Variants in MTHFSD observed in about 807,000 individuals in gnomAD.
The protein encoded by MTHFSD is methenyltetrahydrofolate synthase domain-containing protein.
A neutral mutation model predicts 31.1 loss-of-function variants in MTHFSD; 37 were observed. The ratio of observed to expected loss-of-function variants is 1.19; its 90% CI spans 0.91 to 1.56. The LOEUF is 1.56. Ranked by LOEUF, MTHFSD falls within the 40% of genes most tolerant of loss-of-function variation. MTHFSD has a pLI of 0.00. For missense variants in MTHFSD, 664 were observed against 510.1 expected (o/e 1.30, Z -2.91); for synonymous variants, 221 against 206.9 (o/e 1.07, Z -0.59).
At chr16:86,545,411 A>G (rs1972148168) in intron 5 of MTHFSD, among the ~76,000 whole-genome samples, 1 of 152,086 alleles carries the variant, frequency 6.6e-6, no homozygotes, top group East Asian at 1.9e-4. Flanking sequence ...ACGAAGTGTT[A>G]CTTTCTTCTT....
intron 1 of MTHFSD, 140 bp downstream of exon 1, chr16:86,555,018 AACCCAGCACAG>A (rs1393147642): frequency 7.1e-6 from 10 of 1,416,838 alleles, no homozygotes; most frequent in Non-Finnish European, 9.3e-6. Context: ...GTTCGACCCG[AACCCAGCACAG>A]ACCCCCTCTG....
chr16:86,534,582 G>A (rs1970418184), intron 7 of MTHFSD, among the ~76,000 whole-genome samples: 1 of 151,800 alleles, frequency 6.6e-6, no homozygotes, highest in African/African-American at 2.4e-5. Context: ...AGGCTTTTGT[G>A]TTTTTTTTGA....
At chr16:86,554,390 C>T (rs1354473723) in intron 2 of MTHFSD, among the ~76,000 whole-genome samples, 2 of 152,146 alleles carry the variant, frequency 1.3e-5, no homozygotes, top group Non-Finnish European at 2.9e-5. Flanking sequence ...ACCAAGAACC[C>T]ACCAATTCTG....
Position 86,548,579 on chromosome 16 carries a change from T to G in MTHFSD, c.238-2A>C. The G allele has an allele frequency of 6.2e-7, 1 of 1,603,142 alleles. No individual in the cohort carries two copies. The highest frequency in any genetic ancestry group is 8.5e-7 in the Non-Finnish European group (1 of 1,175,696). On this transcript the variant is annotated splice_acceptor_variant, in intron 3 of 7. Transcript: ENST00000360900. LOFTEE classifies it high-confidence loss of function. Reference sequence around the variant, plus strand: ...TGGAACCAACAATGTTTTTTTGCTCTTTTAAAGAAAAGACAATCAATAAAT... The same window carrying G: ...TGGAACCAACAATGTTTTTTTGCTCGTTTAAAGAAAAGACAATCAATAAAT...
At position 86,555,151 on chromosome 16, in the gene MTHFSD, C is replaced by G. The variant is rs751196838; in HGVS notation, c.16+18G>C. On this transcript the variant is annotated intron_variant, in intron 1 of 7. Transcript: ENST00000360900. ...CTCCCCATTCCCAGCCGCCCCGGAG[C>G]CCCGCCAGGCCCCCCACCTGCCCTC... The G allele has an allele frequency of 2.7e-5, 41 of 1,534,992 alleles. No homozygotes were observed. The East Asian group carries it at 4.6e-4, about 17-fold the overall frequency.
chr16:86,541,504 A>C, intron 7 of MTHFSD, 193 bp downstream of exon 7: 1 of 776,956 alleles, frequency 1.3e-6, no homozygotes, highest in Non-Finnish European at 2.0e-6. Context: ...CGAATCCCAG[A>C]GATCCATACG....
chr16:86,531,071 T>G lies in MTHFSD; in HGVS notation c.*940A>C, dbSNP rs1321561667. 6.6e-6 allele frequency: 1 copy of G among 152,192 alleles called. No homozygotes were observed. The highest frequency in any genetic ancestry group is 2.4e-5 in the African/African-American group (1 of 41,440). The allele number at this position is 152,192 out of a possible 1,614,324, so 9.4% of individuals were successfully genotyped here. ...CATCGTAATGTGCTTCAAAGAACACTTGGTAAAACCCTCTGGCTAAAAAAT... is the reference window on the plus strand; with the variant it reads ...CATCGTAATGTGCTTCAAAGAACACGTGGTAAAACCCTCTGGCTAAAAAAT... On this transcript the variant is annotated 3_prime_UTR_variant, in exon 8 of 8. Transcript: ENST00000360900. This position sits in a 1 kb window ranked among gnomAD's most constrained non-coding sequence, Gnocchi z 5.5.
At chr16:86,546,281 G>A (rs1487370064) in intron 5 of MTHFSD, among the ~76,000 whole-genome samples, 2 of 152,184 alleles carry the variant, frequency 1.3e-5, no homozygotes, top group African/African-American at 2.4e-5. Flanking sequence ...GCTCACTCAA[G>A]AACAGAGAGA....
At chr16:86,551,174 G>C (rs1479065776) in intron 3 of MTHFSD, among the ~76,000 whole-genome samples, 1 of 152,124 alleles carries the variant, frequency 6.6e-6, no homozygotes, top group African/African-American at 2.4e-5. Context: ...TTACATAAAA[G>C]CTATCTGCAT....
intron 7 of MTHFSD, among the ~76,000 whole-genome samples, chr16:86,541,368 A>T (rs997262785): frequency 2.6e-5 from 4 of 152,116 alleles, no homozygotes; most frequent in Non-Finnish European, 5.9e-5. Context: ...TGCGCCTGGG[A>T]TGGCAGAAAA....
Position 86,542,483 on chromosome 16 carries a change from G to GC in MTHFSD, c.443-271_443-270insG. The GC allele has an allele frequency of 1.0e-5, 4 of 388,958 alleles. No homozygotes were observed. The highest frequency in any genetic ancestry group is 4.7e-5 in the South Asian group (1 of 21,072). 24.1% of individuals were successfully genotyped at this position (388,958 alleles called of 1,614,324 possible). On this transcript the variant is annotated intron_variant, in intron 5 of 7. Coordinates refer to ENST00000360900, the MANE Select transcript of MTHFSD (RefSeq NM_001159377.2). This position sits in a 1 kb window ranked among gnomAD's most constrained non-coding sequence, Gnocchi z 4.6. ...TGGACCGTTCAAGCATGTCACAAAG[G>GC]GAAACAGATCACACTCATGTCAGCT...
intron 3 of MTHFSD, among the ~76,000 whole-genome samples, chr16:86,550,539 CTG>C (rs1197347526): frequency 6.6e-6 from 1 of 152,204 alleles, no homozygotes; most frequent in Non-Finnish European, 1.5e-5. Flanking sequence ...TGTACTGAGA[CTG>C]ATGTGCGGTA....
chr16:86,534,658 T>C (rs897098355), intron 7 of MTHFSD, among the ~76,000 whole-genome samples: 3 of 152,188 alleles, frequency 2.0e-5, no homozygotes, highest in African/African-American at 7.2e-5. Context: ...ATTACCAGAT[T>C]TAGTATTGAA....
At chr16:86,535,234 G>C (rs1970520335) in intron 7 of MTHFSD, 1 of 985,312 alleles carries the variant, frequency 1.0e-6, no homozygotes, top group African/African-American at 1.7e-5. Flanking sequence ...ATGTGGAAGT[G>C]TGTTCCACTG....
At chr16:86,551,608 T>A (rs191335888) in intron 3 of MTHFSD, among the ~76,000 whole-genome samples, 1 of 152,226 alleles carries the variant, frequency 6.6e-6, no homozygotes, top group Non-Finnish European at 1.5e-5. Context: ...TATCAGAACA[T>A]GACAAGTGAC....
At chr16:86,543,677 T>A (rs1971853109) in intron 5 of MTHFSD, among the ~76,000 whole-genome samples, 1 of 152,198 alleles carries the variant, frequency 6.6e-6, no homozygotes, top group Non-Finnish European at 1.5e-5. Flanking sequence ...CTTCTGTGAA[T>A]GCAGAAAAGG....
chr16:86,552,129 G>C lies in MTHFSD; in HGVS notation c.141C>G (p.Cys47Trp). 1 of 1,614,192 alleles carries C rather than the reference G, an allele frequency of 6.2e-7. No individual in the cohort carries two copies. The highest frequency in any genetic ancestry group is 8.5e-7 in the Non-Finnish European group (1 of 1,180,042). Residue 47 changes from cysteine (C) to tryptophan (W), a missense_variant, in exon 3 of 8, where the codon TGC becomes TGG. Transcript: ENST00000360900. ...AAACGTCTAGGTCTTTGATGTTTTG[G>C]CAAGCCAGATAAGACCCCTAGTTAG... ...IPNFKGSYLA[C>W]QNIKDLDVFA...
Position 86,532,122 on chromosome 16 carries a change from G to A in MTHFSD, c.1041C>T (p.Leu347=), listed in dbSNP as rs1178558455. ...TWQGPRRRAF[L]HYPDSAAAQQ... ...GGGCTGCGGCAGAGTCCGGGTAATG[G>A]AGGAAGGCTCTGCGCCGCGGGCCCT... Residue 347 remains leucine (L), a synonymous_variant, in exon 8 of 8, where the codon CTC becomes CTT. Transcript: ENST00000360900. 6.4e-7 allele frequency: 1 copy of A among 1,552,082 alleles called. No homozygotes were observed.
Position 86,554,924 on chromosome 16 carries a change from G to A in MTHFSD, c.17-173C>T, listed in dbSNP as rs1478127836. The A allele has an allele frequency of 3.6e-6, 4 of 1,117,416 alleles. No homozygotes were observed. In the African/African-American group the frequency reaches 4.7e-5, roughly 13 times the overall value. 69.2% of individuals were successfully genotyped at this position (1,117,416 alleles called of 1,614,324 possible). On this transcript the variant is annotated intron_variant, in intron 1 of 7. Coordinates refer to ENST00000360900, the MANE Select transcript of MTHFSD (RefSeq NM_001159377.2). ...GGCCCACGGGCTCCCCCACGTGCAC[G>A]GCAGGTGTCCCTCCCGCCTCGTCTT...
Sources: gnomAD v4.1 joint callset for allele counts (sites outside exome capture counted in the v4.1 genomes callset) on GRCh38, gnomAD v4.1.1 for gene constraint, Gnocchi (gnomAD v3.1) non-coding constraint, MANE v1.5 for transcripts, NCBI Gene and HGNC (gene_info 2026-07-23, HGNC 2026-07-21) for gene names.